KLHL20: variants seen among roughly 807,000 people sequenced by gnomAD.
KLHL20 encodes kelch like family member 20.
A neutral mutation model predicts 69.5 loss-of-function variants in KLHL20; 29 were observed. The ratio of observed to expected loss-of-function variants is 0.42; its 90% CI spans 0.31 to 0.57. The LOEUF is 0.57. KLHL20 is among the 20% of genes least tolerant of loss of function. The pLI is 0.18. For synonymous variants in KLHL20, 253 were observed against 265.2 expected, an observed-to-expected ratio of 0.95 and a Z score of 0.45; for missense variants, 419 against 776.0, an observed-to-expected ratio of 0.54 and a Z score of 5.47.
At chr1:173,763,114 A>G (rs1215680217) in intron 7 of KLHL20, among the ~76,000 whole-genome samples, 1 of 152,130 alleles carries the variant, frequency 6.6e-6, no homozygotes, top group Non-Finnish European at 1.5e-5. Context: ...CAAGAACTCA[A>G]CTTTTTTTTA....
chr1:173,744,441 T>G (rs1384672930), intron 3 of KLHL20, among the ~76,000 whole-genome samples: 1 of 152,188 alleles, frequency 6.6e-6, no homozygotes, highest in Non-Finnish European at 1.5e-5. Flanking sequence ...TGCATTTGTC[T>G]TTCAAGTTTG....
intron 10 of KLHL20, among the ~76,000 whole-genome samples, chr1:173,776,536 T>C (rs904438410): frequency 1.3e-5 from 2 of 152,218 alleles, no homozygotes; most frequent in Non-Finnish European, 2.9e-5. Flanking sequence ...TGTTTTCTTT[T>C]AGCAGTTTCA....
At chr1:173,760,684 A>G (rs1673760653) in intron 7 of KLHL20, among the ~76,000 whole-genome samples, 1 of 152,134 alleles carries the variant, frequency 6.6e-6, no homozygotes, top group African/African-American at 2.4e-5. Context: ...ATTCGCCATT[A>G]CCAAATCACC....
chr1:173,730,676 C>G (rs1672226995), intron 2 of KLHL20, among the ~76,000 whole-genome samples: 1 of 151,698 alleles, frequency 6.6e-6, no homozygotes. Context: ...TATGTAGAAA[C>G]CTGAAACTGG....
intron 2 of KLHL20, among the ~76,000 whole-genome samples, chr1:173,725,024 A>T (rs1671890850): frequency 6.6e-6 from 1 of 151,774 alleles, no homozygotes; most frequent in Non-Finnish European, 1.5e-5. Context: ...TTACCAAGTT[A>T]TTTGACTCTT....
intron 2 of KLHL20, among the ~76,000 whole-genome samples, chr1:173,725,793 G>A (rs931676960): frequency 2.0e-5 from 3 of 152,192 alleles, no homozygotes; most frequent in Non-Finnish European, 4.4e-5. Flanking sequence ...AATAGGAACA[G>A]CTCCAGTCTA....
At chr1:173,730,786 A>G (rs1046168511) in intron 2 of KLHL20, among the ~76,000 whole-genome samples, 1 of 152,198 alleles carries the variant, frequency 6.6e-6, no homozygotes, top group African/African-American at 2.4e-5. Flanking sequence ...AACCTAGGCA[A>G]TACCATTCAG....
intron 11 of KLHL20, among the ~76,000 whole-genome samples, chr1:173,784,243 T>C (rs927101715): frequency 5.9e-5 from 9 of 152,152 alleles, no homozygotes; most frequent in African/African-American, 2.2e-4. Flanking sequence ...TTTAAAGGTG[T>C]TCAGGGAAGG....
At chr1:173,774,072 T>C (rs2102531322) in intron 8 of KLHL20, among the ~76,000 whole-genome samples, 1 of 152,168 alleles carries the variant, frequency 6.6e-6, no homozygotes, top group Admixed American at 6.5e-5. Context: ...TCATAGGTTG[T>C]TTTCTTTCCT....
At chr1:173,744,211 G>A (rs893479034) in intron 3 of KLHL20, among the ~76,000 whole-genome samples, 1 of 152,074 alleles carries the variant, frequency 6.6e-6, no homozygotes, top group Non-Finnish European at 1.5e-5. Context: ...GGGAATTTCA[G>A]TATCATTTTA....
chr1:173,729,121 T>C (rs561370769), intron 2 of KLHL20, among the ~76,000 whole-genome samples: 1 of 151,740 alleles, frequency 6.6e-6, no homozygotes, highest in South Asian at 2.1e-4. Context: ...AACTAGAAAA[T>C]CTAGAAATGG....
In KLHL20 at chr1:173,768,050, ATT is replaced by A. The variant is rs373355583; in HGVS notation, c.1295+1767_1295+1768del. Reference sequence around the variant, plus strand: ...CATACCACTTGTGAAATCTGTTCTGATTTTTTTCCTGAATCTACCTGGAGTGT... The same window carrying A: ...CATACCACTTGTGAAATCTGTTCTGATTTTTCCTGAATCTACCTGGAGTGT... On this transcript the variant is annotated intron_variant, in intron 8 of 11. Coordinates refer to ENST00000209884, the MANE Select transcript of KLHL20 (RefSeq NM_014458.4). Among the ~76,000 whole-genome samples the A allele has an allele frequency of 4.6e-5, 7 of 152,200 alleles. No individual in the cohort carries two copies. In the South Asian group the frequency reaches 1.5e-3, roughly 32 times the overall value.
At chr1:173,747,730 C>G (rs1188688528) in intron 3 of KLHL20, among the ~76,000 whole-genome samples, 1 of 151,672 alleles carries the variant, frequency 6.6e-6, no homozygotes, top group East Asian at 1.9e-4. Context: ...ATTTCTTTTT[C>G]TATGTGGAAT....
rs553563944 is a variant in KLHL20 at position 173,777,868 on chromosome 1, C to G, written c.1638+2026C>G. ...GTTCATTGAGGATATTGGACTGTAG[C>G]TTTCTTTTTTTGATGTGTCTTTGTC... On this transcript the variant is annotated intron_variant, in intron 10 of 11. Transcript: ENST00000209884. Among the ~76,000 whole-genome samples, 3 of 152,094 alleles carry G rather than the reference C, an allele frequency of 2.0e-5. No individual in the cohort carries two copies. The East Asian group carries it at 5.8e-4, about 29-fold the overall frequency.
intron 7 of KLHL20, among the ~76,000 whole-genome samples, chr1:173,763,866 TAAAA>T (rs60028962): frequency 8.4e-6 from 1 of 119,518 alleles, no homozygotes; most frequent in African/African-American, 3.0e-5. Flanking sequence ...GCAAATGCAA[TAAAA>T]AAAAAAAAAA....
At chr1:173,770,133 C>T (rs1647993814) in intron 8 of KLHL20, among the ~76,000 whole-genome samples, 1 of 152,056 alleles carries the variant, frequency 6.6e-6, no homozygotes, top group Non-Finnish European at 1.5e-5. Context: ...AATAACATCT[C>T]TACAGACAAT....
At chr1:173,724,230 C>G (rs145427819) in intron 2 of KLHL20, among the ~76,000 whole-genome samples, 1 of 150,258 alleles carries the variant, frequency 6.7e-6, no homozygotes, top group Non-Finnish European at 1.5e-5. Flanking sequence ...ATGGCAAACT[C>G]CTGGGCTTAA....
chr1:173,786,069 C>T lies in KLHL20; in HGVS notation c.*822C>T, dbSNP rs1163254085. 2 of 152,232 alleles carry T rather than the reference C, an allele frequency of 1.3e-5. No individual in the cohort carries two copies. Among genetic ancestry groups the T allele is most frequent in the Non-Finnish European group, 2.9e-5 (2 of 68,024 alleles). The allele number at this position is 152,232 out of a possible 1,614,324, so 9.4% of individuals were successfully genotyped here. Reference sequence around the variant, plus strand: ...TGCTCAAAAATGTTACTGACTAAAGCAACTGTCCTTCCTGTTTCCTTATTG... The same window carrying T: ...TGCTCAAAAATGTTACTGACTAAAGTAACTGTCCTTCCTGTTTCCTTATTG... On this transcript the variant is annotated 3_prime_UTR_variant, in exon 12 of 12. Transcript: ENST00000209884.
At chr1:173,731,791 C>A (rs1672291756) in intron 2 of KLHL20, among the ~76,000 whole-genome samples, 1 of 151,896 alleles carries the variant, frequency 6.6e-6, no homozygotes, top group Middle Eastern at 3.4e-3. Flanking sequence ...GTGCAGCACA[C>A]CAACATGGCA....
Sources: allele counts gnomAD v4.1 joint callset (sites outside exome capture counted in the v4.1 genomes callset), GRCh38; gene constraint gnomAD v4.1.1; transcripts MANE v1.5; gene names NCBI Gene and HGNC (gene_info 2026-07-23, HGNC 2026-07-21).